Variants in CNTNAP2 observed in about 807,000 individuals in gnomAD.
CNTNAP2 encodes the protein contactin-associated protein-like 2.
CNTNAP2 carries 98 observed loss-of-function variants against 155.2 expected under a neutral mutation model. The ratio of observed to expected loss-of-function variants is 0.63; its 90% CI spans 0.54 to 0.75. The LOEUF (loss-of-function observed/expected upper bound fraction) is 0.75, where lower values mean the gene tolerates loss of function less well. Among genes scored for constraint, CNTNAP2 ranks in the 30% least tolerant of loss-of-function variants. The probability of loss-of-function intolerance (pLI) is 0.00; values close to 1 mark genes in which losing one functional copy is unlikely to be tolerated. For synonymous variants in CNTNAP2, 651 were observed against 631.2 expected, an observed-to-expected ratio of 1.03 and a Z score of -0.47; for missense variants, 1,727 against 1,688.1, an observed-to-expected ratio of 1.02 and a Z score of -0.40.
chr7:146,169,148 A>C (rs745991666), intron 1 of CNTNAP2, among the ~76,000 whole-genome samples: 3 of 152,206 alleles, frequency 2.0e-5, no homozygotes, highest in African/African-American at 4.8e-5. Context: ...TTAGAAATGC[A>C]ATCCAACCAA....
At chr7:147,882,949 C>T (rs2538990) in intron 13 of CNTNAP2, among the ~76,000 whole-genome samples, 80,681 of 152,036 alleles carry the variant, frequency 0.53, 21,536 homozygotes, top group East Asian at 0.61. Context: ...ATTTAAGATT[C>T]GCCTGCTTTT....
At chr7:147,183,340 A>AT (rs1802504831) in intron 8 of CNTNAP2, among the ~76,000 whole-genome samples, 1 of 152,220 alleles carries the variant, frequency 6.6e-6, no homozygotes, top group African/African-American at 2.4e-5. Flanking sequence ...TTAATCATAA[A>AT]TAAGCACTAT....
intron 1 of CNTNAP2, among the ~76,000 whole-genome samples, chr7:146,702,974 G>C (rs1319093766): frequency 2.6e-5 from 4 of 152,052 alleles, no homozygotes; most frequent in Non-Finnish European, 5.9e-5. Flanking sequence ...CATATTGAGA[G>C]TTTCTCTTTT....
At chr7:147,294,303 A>AT (rs148578319) in intron 8 of CNTNAP2, among the ~76,000 whole-genome samples, 1,707 of 152,260 alleles carry the variant, frequency 0.011, 32 homozygotes, top group African/African-American at 0.039. Flanking sequence ...TAGAAAGTTC[A>AT]TTTTTTCATT....
chr7:146,887,117 T>G (rs1449222769), intron 3 of CNTNAP2, among the ~76,000 whole-genome samples: 2 of 152,034 alleles, frequency 1.3e-5, no homozygotes, highest in African/African-American at 2.4e-5. Flanking sequence ...TTTTTCTATC[T>G]CAGATATCTA....
At chr7:147,772,649 T>C (rs1244962925) in intron 13 of CNTNAP2, among the ~76,000 whole-genome samples, 1 of 151,670 alleles carries the variant, frequency 6.6e-6, no homozygotes, top group Non-Finnish European at 1.5e-5. Flanking sequence ...CTTTCAAACA[T>C]CTCTGACACC....
chr7:147,132,205 A>T, intron 7 of CNTNAP2, 40 bp from the exon 8 acceptor site: 1 of 1,611,906 alleles, frequency 6.2e-7, no homozygotes, highest in Non-Finnish European at 8.5e-7. Context: ...TGTTCATTTT[A>T]TTCTGTGTTT....
chr7:147,485,820 C>T (rs1798499218), intron 10 of CNTNAP2, 115 bp from the exon 11 acceptor site: 4 of 994,450 alleles, frequency 4.0e-6, no homozygotes, highest in Non-Finnish European at 6.4e-6. Context: ...GATTAATTGC[C>T]TTGGTAAGGC....
At chr7:148,298,339 C>A (rs116710065) in intron 21 of CNTNAP2, among the ~76,000 whole-genome samples, 1 of 152,106 alleles carries the variant, frequency 6.6e-6, no homozygotes, top group African/African-American at 2.4e-5. Flanking sequence ...TTTGGAGATA[C>A]GTTTTTAAGT....
At chr7:146,330,888 C>G (rs892487602) in intron 1 of CNTNAP2, among the ~76,000 whole-genome samples, 5 of 152,114 alleles carry the variant, frequency 3.3e-5, no homozygotes, top group African/African-American at 1.2e-4. Context: ...TCAATTAGCC[C>G]AATTATAATT....
chr7:146,843,214 T>A (rs1473458080), intron 3 of CNTNAP2, among the ~76,000 whole-genome samples: 1 of 127,578 alleles, frequency 7.8e-6, no homozygotes. Context: ...GGGTTTCACC[T>A]TGTTAGCCAG....
At chr7:146,640,781 G>C (rs1484614735) in intron 1 of CNTNAP2, among the ~76,000 whole-genome samples, 1 of 152,072 alleles carries the variant, frequency 6.6e-6, no homozygotes, top group Non-Finnish European at 1.5e-5. Context: ...TTAAACTCCA[G>C]TGTTTGAAGG....
intron 1 of CNTNAP2, among the ~76,000 whole-genome samples, chr7:146,578,560 A>C (rs1438328640): frequency 6.6e-6 from 1 of 152,184 alleles, no homozygotes; most frequent in Non-Finnish European, 1.5e-5. Context: ...GTTACAGTAC[A>C]TTCAGAGTAC....
chr7:147,712,101 C>T (rs1327191595), intron 13 of CNTNAP2, among the ~76,000 whole-genome samples: 1 of 152,134 alleles, frequency 6.6e-6, no homozygotes, highest in Non-Finnish European at 1.5e-5. Context: ...GTTTCTTACT[C>T]ACGTTCCTTC....
At chr7:146,711,693 T>C (rs73168709) in intron 1 of CNTNAP2, among the ~76,000 whole-genome samples, 1,775 of 134,316 alleles carry the variant, frequency 0.013, 52 homozygotes, top group East Asian at 0.11. Flanking sequence ...TATATATACA[T>C]ATCTTATGTA....
At chr7:146,749,004 A>C (rs1801858655) in intron 1 of CNTNAP2, among the ~76,000 whole-genome samples, 1 of 152,194 alleles carries the variant, frequency 6.6e-6, no homozygotes, top group African/African-American at 2.4e-5. Context: ...CTCTTGCTAA[A>C]GTTATTGTGT....
At chr7:146,955,153 T>C (rs1797406581) in intron 3 of CNTNAP2, among the ~76,000 whole-genome samples, 1 of 152,008 alleles carries the variant, frequency 6.6e-6, no homozygotes, top group Non-Finnish European at 1.5e-5. Flanking sequence ...GATTTAATCA[T>C]ATATTCACTG....
intron 18 of CNTNAP2, among the ~76,000 whole-genome samples, chr7:148,192,287 A>G (rs2972098): frequency 0.78 from 118,668 of 152,012 alleles, 46,658 homozygotes; most frequent in Non-Finnish European, 0.83. Context: ...TCCACACTCT[A>G]TGTCCATGTG....
intron 9 of CNTNAP2, among the ~76,000 whole-genome samples, chr7:147,370,164 G>T (rs1481290787): frequency 2.0e-5 from 3 of 152,104 alleles, no homozygotes; most frequent in Admixed American, 1.3e-4. Flanking sequence ...ATTTGCTACA[G>T]ATTTTAATTA....
Sources: gnomAD v4.1 joint callset for allele counts (sites outside exome capture counted in the v4.1 genomes callset) on GRCh38, gnomAD v4.1.1 for gene constraint, MANE v1.5 for transcripts, NCBI Gene and HGNC (gene_info 2026-07-23, HGNC 2026-07-21) for gene names.